IL1RAP: variants seen among roughly 807,000 people sequenced by gnomAD.
The protein encoded by IL1RAP is interleukin-1 receptor accessory protein.
In IL1RAP, 35 loss-of-function variants were observed where a neutral mutation model predicts 60.7. The ratio of observed to expected loss-of-function variants is 0.58; its 90% CI spans 0.44 to 0.76. IL1RAP has a LOEUF of 0.76. Ranked by LOEUF, IL1RAP falls within the 30% of genes least tolerant of loss-of-function variation. The probability of loss-of-function intolerance (pLI) is 0.00; values close to 1 mark genes in which losing one functional copy is unlikely to be tolerated. For missense variants in IL1RAP, 572 were observed against 693.9 expected (o/e 0.82, Z 1.97); for synonymous variants, 268 against 250.9 (o/e 1.07, Z -0.64).
At chr3:190,612,991 G>T (rs1262185524) in intron 5 of IL1RAP, among the ~76,000 whole-genome samples, 2 of 151,888 alleles carry the variant, frequency 1.3e-5, no homozygotes, top group African/African-American at 4.9e-5. Context: ...TAAAATATAT[G>T]CCCAGAGCTG....
chr3:190,567,588 G>A (rs995397662), intron 3 of IL1RAP, among the ~76,000 whole-genome samples: 12 of 152,018 alleles, frequency 7.9e-5, no homozygotes, highest in African/African-American at 1.9e-4. Context: ...TTATTTTTAC[G>A]AAATATGCTC....
intron 1 of IL1RAP, among the ~76,000 whole-genome samples, chr3:190,549,582 G>T (rs1343115111): frequency 6.6e-6 from 1 of 152,144 alleles, no homozygotes; most frequent in East Asian, 1.9e-4. Flanking sequence ...AAACAAGTCG[G>T]GGGTGAGGAC....
intron 3 of IL1RAP, among the ~76,000 whole-genome samples, chr3:190,600,100 A>T (rs2108742790): frequency 6.6e-6 from 1 of 152,122 alleles, no homozygotes; most frequent in South Asian, 2.1e-4. Flanking sequence ...ATTTAAGAAG[A>T]AGTGATTAAG....
intron 1 of IL1RAP, among the ~76,000 whole-genome samples, chr3:190,545,622 G>A (rs1200675976): frequency 1.3e-5 from 2 of 152,166 alleles, no homozygotes. Context: ...AACTTTTAAG[G>A]CAATGACAAG....
chr3:190,575,041 T>C (rs1268063435), intron 3 of IL1RAP, among the ~76,000 whole-genome samples: 1 of 152,202 alleles, frequency 6.6e-6, no homozygotes, highest in East Asian at 1.9e-4. Context: ...GGAATATTTT[T>C]GTCATAAAAG....
intron 9 of IL1RAP, among the ~76,000 whole-genome samples, chr3:190,642,775 C>CTTT (rs1291674417): frequency 1.3e-5 from 2 of 152,142 alleles, no homozygotes; most frequent in Non-Finnish European, 2.9e-5. Context: ...AGGGCAGAGA[C>CTTT]CCTTTCCGTC....
intron 2 of IL1RAP, among the ~76,000 whole-genome samples, chr3:190,563,171 C>T (rs1046637971): frequency 6.6e-6 from 1 of 152,140 alleles, no homozygotes. Flanking sequence ...TTATCAAATA[C>T]CTCTTTGATC....
At chr3:190,577,018 G>C (rs1370958173) in intron 3 of IL1RAP, among the ~76,000 whole-genome samples, 1 of 150,662 alleles carries the variant, frequency 6.6e-6, no homozygotes. Flanking sequence ...GGAGAATGGC[G>C]TGAACCCGGG....
At chr3:190,570,208 C>T (rs1371739272) in intron 3 of IL1RAP, among the ~76,000 whole-genome samples, 1 of 152,212 alleles carries the variant, frequency 6.6e-6, no homozygotes, top group African/African-American at 2.4e-5. Flanking sequence ...TTGGGAACCT[C>T]AGTCACCTTC....
At chr3:190,604,507 G>C (rs1730129731) in intron 4 of IL1RAP, 94 bp downstream of exon 4, 3 of 1,319,538 alleles carry the variant, frequency 2.3e-6, no homozygotes, top group Non-Finnish European at 3.1e-6. Flanking sequence ...GGGAGAAGTC[G>C]GAAGCATTTA....
At chr3:190,554,931 G>A (rs1014843299) in intron 1 of IL1RAP, among the ~76,000 whole-genome samples, 2 of 152,122 alleles carry the variant, frequency 1.3e-5, no homozygotes, top group African/African-American at 2.4e-5. Flanking sequence ...GGGAATTACA[G>A]GTTTTGTAGA....
chr3:190,519,745 A>G (rs1025685622), intron 1 of IL1RAP, among the ~76,000 whole-genome samples: 1 of 151,656 alleles, frequency 6.6e-6, no homozygotes, highest in African/African-American at 2.4e-5. Context: ...TTCTATCTCT[A>G]TTGTTATTAT....
intron 9 of IL1RAP, among the ~76,000 whole-genome samples, chr3:190,639,049 C>G (rs1733450133): frequency 6.6e-6 from 1 of 152,146 alleles, no homozygotes; most frequent in African/African-American, 2.4e-5. Context: ...ATTTTAAGAT[C>G]ACCTTTTCTT....
At chr3:190,553,074 T>C (rs1725008190) in intron 1 of IL1RAP, among the ~76,000 whole-genome samples, 1 of 152,082 alleles carries the variant, frequency 6.6e-6, no homozygotes, top group African/African-American at 2.4e-5. Flanking sequence ...CATACAGATA[T>C]CAAACCCTGA....
At chr3:190,537,091 A>T (rs1723531461) in intron 1 of IL1RAP, among the ~76,000 whole-genome samples, 1 of 152,320 alleles carries the variant, frequency 6.6e-6, no homozygotes, top group East Asian at 1.9e-4. Flanking sequence ...TTACTAAGTG[A>T]GACTCGTAGC....
At chr3:190,630,231 A>G in intron 9 of IL1RAP, 1 of 828,170 alleles carries the variant, frequency 1.2e-6, no homozygotes, top group Non-Finnish European at 1.5e-6. Flanking sequence ...GTACTATATT[A>G]TTCTACAATA....
intron 3 of IL1RAP, among the ~76,000 whole-genome samples, chr3:190,603,017 T>C (rs1560204487): frequency 6.6e-6 from 1 of 152,104 alleles, no homozygotes; most frequent in Non-Finnish European, 1.5e-5. Flanking sequence ...AAAGAAAAAA[T>C]TCTTTAAAAG....
At chr3:190,617,436 C>A (rs1032964247) in intron 5 of IL1RAP, among the ~76,000 whole-genome samples, 1 of 152,182 alleles carries the variant, frequency 6.6e-6, no homozygotes, top group Non-Finnish European at 1.5e-5. Context: ...GTTGCCACAG[C>A]AACCATAGCA....
intron 11 of IL1RAP, among the ~76,000 whole-genome samples, chr3:190,646,434 C>T (rs1734021896): frequency 6.6e-6 from 1 of 151,902 alleles, no homozygotes; most frequent in African/African-American, 2.4e-5. Context: ...TCTATTTCTT[C>T]TTCCTGTCAG....
Sources: allele counts gnomAD v4.1 joint callset (sites outside exome capture counted in the v4.1 genomes callset), GRCh38; gene constraint gnomAD v4.1.1; transcripts MANE v1.5; gene names NCBI Gene and HGNC (gene_info 2026-07-23, HGNC 2026-07-21).